The following SGCZ variants were observed in gnomAD, a reference collection of about 807,000 sequenced individuals.
SGCZ encodes the protein sarcoglycan zeta.
A neutral mutation model predicts 41.3 loss-of-function variants in SGCZ; 40 were observed. The ratio of observed to expected loss-of-function variants is 0.97; its 90% CI spans 0.75 to 1.26. SGCZ has a LOEUF of 1.26. SGCZ is among the 50% of genes most tolerant of loss of function. The probability of loss-of-function intolerance (pLI) is 0.00; values close to 1 mark genes in which losing one functional copy is unlikely to be tolerated. For missense variants in SGCZ, 552 were observed against 369.8 expected, an observed-to-expected ratio of 1.49 and a Z score of -4.04; for synonymous variants, 206 against 137.5, an observed-to-expected ratio of 1.50 and a Z score of -3.49.
chr8:14,864,550 G>C (rs530699901), intron 1 of SGCZ, among the ~76,000 whole-genome samples: 5 of 152,172 alleles, frequency 3.3e-5, no homozygotes, highest in East Asian at 3.9e-4. Flanking sequence ...CCGGTGACTT[G>C]TATTCACAAA....
chr8:14,506,554 G>C (rs1038634128), intron 2 of SGCZ, among the ~76,000 whole-genome samples: 1 of 151,100 alleles, frequency 6.6e-6, no homozygotes, highest in Non-Finnish European at 1.5e-5. Flanking sequence ...TGTATACCTG[G>C]ACACCTAAGT....
intron 1 of SGCZ, among the ~76,000 whole-genome samples, chr8:14,869,467 C>T (rs182503424): frequency 6.6e-6 from 1 of 152,024 alleles, no homozygotes; most frequent in African/African-American, 2.4e-5. Context: ...TTATGACAAA[C>T]CCACAGCCAA....
At chr8:14,592,496 C>T (rs185046561) in intron 1 of SGCZ, among the ~76,000 whole-genome samples, 20 of 151,970 alleles carry the variant, frequency 1.3e-4, no homozygotes, top group African/African-American at 4.6e-4. Flanking sequence ...TTATCTCTTC[C>T]AAGTTTTTAT....
intron 1 of SGCZ, among the ~76,000 whole-genome samples, chr8:14,914,195 C>T (rs1449778534): frequency 6.6e-6 from 1 of 151,052 alleles, no homozygotes; most frequent in Non-Finnish European, 1.5e-5. Flanking sequence ...TATAGTTATA[C>T]ACAAACATCA....
intron 2 of SGCZ, among the ~76,000 whole-genome samples, chr8:14,441,069 G>A (rs1227918519): frequency 6.6e-6 from 1 of 152,110 alleles, no homozygotes; most frequent in East Asian, 1.9e-4. Context: ...CTTCAGGGGT[G>A]CACTGATACA....
At chr8:15,049,176 A>G (rs540016613) in intron 1 of SGCZ, among the ~76,000 whole-genome samples, 2 of 152,148 alleles carry the variant, frequency 1.3e-5, no homozygotes, top group East Asian at 3.9e-4. Context: ...GAATAACTGG[A>G]AGGAGAATAG....
chr8:14,666,087 T>G (rs73664428), intron 1 of SGCZ, among the ~76,000 whole-genome samples: 7,772 of 152,138 alleles, frequency 0.051, 679 homozygotes, highest in African/African-American at 0.18. Context: ...CTTCTCAGAT[T>G]TTAAGTCTTT....
intron 2 of SGCZ, among the ~76,000 whole-genome samples, chr8:14,553,557 T>C (rs1307162520): frequency 6.6e-6 from 1 of 152,100 alleles, no homozygotes; most frequent in Non-Finnish European, 1.5e-5. Flanking sequence ...GAGCACATGC[T>C]GTTTTATCTT....
At chr8:14,823,545 T>C (rs563371917) in intron 1 of SGCZ, among the ~76,000 whole-genome samples, 2 of 152,212 alleles carry the variant, frequency 1.3e-5, no homozygotes, top group East Asian at 3.9e-4. Context: ...TCTTTCCAGG[T>C]AGAATGGCTA....
chr8:14,870,098 C>A (rs914458436), intron 1 of SGCZ, among the ~76,000 whole-genome samples: 1 of 151,954 alleles, frequency 6.6e-6, no homozygotes, highest in Non-Finnish European at 1.5e-5. Flanking sequence ...CATATGGAAC[C>A]AAAAAAGAGC....
chr8:14,291,966 G>C, intron 3 of SGCZ, among the ~76,000 whole-genome samples: 1 of 152,016 alleles, frequency 6.6e-6, no homozygotes, highest in East Asian at 1.9e-4. Context: ...GAAGAAAGGA[G>C]ATAATAATTG....
At chr8:15,012,559 T>A (rs557820768) in intron 1 of SGCZ, among the ~76,000 whole-genome samples, 14 of 108,218 alleles carry the variant, frequency 1.3e-4, no homozygotes, top group South Asian at 5.8e-4. Context: ...TATTTATATA[T>A]AACATATAAA....
At chr8:14,687,925 G>A (rs997773441) in intron 1 of SGCZ, among the ~76,000 whole-genome samples, 11 of 152,096 alleles carry the variant, frequency 7.2e-5, no homozygotes, top group Non-Finnish European at 1.3e-4. Context: ...TGGTTTTGAT[G>A]TGCATTTCTC....
intron 2 of SGCZ, among the ~76,000 whole-genome samples, chr8:14,451,726 G>A (rs1304527074): frequency 6.6e-6 from 1 of 152,188 alleles, no homozygotes; most frequent in Non-Finnish European, 1.5e-5. Context: ...CAAGTGGCAA[G>A]TAAGCATATA....
chr8:14,446,273 T>A (rs1387625733), intron 2 of SGCZ, among the ~76,000 whole-genome samples: 1 of 152,186 alleles, frequency 6.6e-6, no homozygotes, highest in African/African-American at 2.4e-5. Flanking sequence ...AACACTGGTT[T>A]TACCTACTGC....
chr8:14,646,469 A>G (rs763930662), intron 1 of SGCZ, among the ~76,000 whole-genome samples: 2 of 151,842 alleles, frequency 1.3e-5, no homozygotes, highest in Non-Finnish European at 1.5e-5. Context: ...GCACTTAGGC[A>G]CTTAGGTTGA....
chr8:14,553,483 T>G (rs1563406479), intron 2 of SGCZ, among the ~76,000 whole-genome samples: 1 of 152,194 alleles, frequency 6.6e-6, no homozygotes, highest in East Asian at 1.9e-4. Flanking sequence ...TCTTATTTGA[T>G]GAATACTTTA....
At position 14,299,381 on chromosome 8, in the gene SGCZ, G is replaced by A. The variant is rs141892031; in HGVS notation, c.336+24722C>T. 5.3e-5 allele frequency among the ~76,000 whole-genome samples: 8 copies of A among 151,920 alleles called. No individual in the cohort carries two copies. In the East Asian group the frequency reaches 1.2e-3, roughly 22 times the overall value. ...TAGATAAATGAATAGACATAACGTA[G>A]ACTCACTAAATATATTCACAACATA... On this transcript the variant is annotated intron_variant, in intron 3 of 7. Transcript: ENST00000382080.
At chr8:14,910,675 G>T (rs1217599260) in intron 1 of SGCZ, among the ~76,000 whole-genome samples, 2 of 151,698 alleles carry the variant, frequency 1.3e-5, no homozygotes, top group Admixed American at 6.6e-5. Context: ...AAAATAAAAT[G>T]AGCTATTGAT....
Sources: allele counts gnomAD v4.1 joint callset (sites outside exome capture counted in the v4.1 genomes callset), GRCh38; gene constraint gnomAD v4.1.1; transcripts MANE v1.5; gene names NCBI Gene and HGNC (gene_info 2026-07-23, HGNC 2026-07-21).